Variants in ZMYND11 observed in about 807,000 individuals in gnomAD.
ZMYND11 encodes zinc finger MYND-type containing 11.
ZMYND11 carries 9 observed loss-of-function variants against 84.9 expected under a neutral mutation model. The ratio of observed to expected loss-of-function variants is 0.11; its 90% CI spans 0.06 to 0.18. ZMYND11 has a LOEUF of 0.18. Among genes scored for constraint, ZMYND11 ranks in the 10% least tolerant of loss-of-function variants. ZMYND11 has a pLI of 1.00. For missense variants in ZMYND11, 409 were observed against 761.0 expected (o/e 0.54, Z 5.44); for synonymous variants, 250 against 244.1 (o/e 1.02, Z -0.23).
chr10:196,119 A>G (rs1348732509), intron 2 of ZMYND11, among the ~76,000 whole-genome samples: 2 of 152,220 alleles, frequency 1.3e-5, no homozygotes, highest in Non-Finnish European at 2.9e-5. Flanking sequence ...AGTAATTATC[A>G]TAATTTAAGT....
intron 1 of ZMYND11, among the ~76,000 whole-genome samples, chr10:143,252 A>G (rs1837901794): frequency 6.6e-6 from 1 of 152,244 alleles, no homozygotes; most frequent in Non-Finnish European, 1.5e-5. Flanking sequence ...ACAGATTGAG[A>G]TCATCCTGAC....
At chr10:193,423 C>A (rs1940948415) in intron 2 of ZMYND11, among the ~76,000 whole-genome samples, 1 of 152,176 alleles carries the variant, frequency 6.6e-6, no homozygotes, top group Non-Finnish European at 1.5e-5. Context: ...GAGTAAGGAT[C>A]TCTTTTGGAT....
intron 1 of ZMYND11, among the ~76,000 whole-genome samples, chr10:159,335 G>A (rs1842486320): frequency 6.6e-6 from 1 of 152,048 alleles, no homozygotes; most frequent in Admixed American, 6.6e-5. Flanking sequence ...TCTAGAGATG[G>A]TGACATTTTG....
chr10:156,863 C>G (rs1841833019), intron 1 of ZMYND11, among the ~76,000 whole-genome samples: 1 of 152,146 alleles, frequency 6.6e-6, no homozygotes. Context: ...AAATACCTTT[C>G]TATTACTTAC....
intron 14 of ZMYND11, chr10:249,454 T>G (rs960901971): frequency 3.8e-5 from 37 of 985,100 alleles, no homozygotes; most frequent in Middle Eastern, 1.0e-3. Flanking sequence ...GGTGAAATTA[T>G]AAATGTAATT....
At chr10:229,574 G>A (rs575890131) in intron 4 of ZMYND11, among the ~76,000 whole-genome samples, 37 of 152,200 alleles carry the variant, frequency 2.4e-4, no homozygotes, top group African/African-American at 8.2e-4. Context: ...TGGGTAGGTC[G>A]AGTTTTCTAC....
intron 3 of ZMYND11, among the ~76,000 whole-genome samples, chr10:213,292 A>AC (rs1282867678): frequency 6.6e-6 from 1 of 152,218 alleles, no homozygotes; most frequent in Non-Finnish European, 1.5e-5. Context: ...TCTAGTTTGC[A>AC]CATGGTGTTC....
chr10:239,721 A>G (rs1950569493), intron 7 of ZMYND11, among the ~76,000 whole-genome samples, 196 bp downstream of exon 7: 1 of 152,248 alleles, frequency 6.6e-6, no homozygotes, highest in African/African-American at 2.4e-5. Context: ...ATAGTATACT[A>G]AATGATGAAA....
In ZMYND11 at chr10:243,790, G is replaced by A. The variant is rs192517054; in HGVS notation, c.950+1651G>A. ...TGAGGCAGGAGAATGGCGTGAACCC[G>A]GGAGGTAGAGCTTGCAGTGAGCAGA... On this transcript the variant is annotated intron_variant, in intron 10 of 14. Coordinates refer to ENST00000381604, the MANE Select transcript of ZMYND11 (RefSeq NM_001370100.5). 3.3e-5 allele frequency among the ~76,000 whole-genome samples: 5 copies of A among 152,238 alleles called. No homozygotes were observed. The East Asian group carries it at 5.8e-4, about 18-fold the overall frequency.
intron 4 of ZMYND11, among the ~76,000 whole-genome samples, chr10:236,132 A>G (rs1386505887): frequency 6.6e-6 from 1 of 152,190 alleles, no homozygotes; most frequent in Non-Finnish European, 1.5e-5. Context: ...GCGTGCCTGG[A>G]GTTTTGCCTT....
chr10:234,218 AAAC>A lies in ZMYND11; in HGVS notation c.439-2609_439-2607del, dbSNP rs552516794. Reference sequence around the variant, plus strand: ...CAAGAGACGTGAAAGCGCAGAAAGGAAACAACAACAACAGCAACTCCTGCACAT... The same window carrying A: ...CAAGAGACGTGAAAGCGCAGAAAGGAAACAACAACAGCAACTCCTGCACAT... On this transcript the variant is annotated intron_variant, in intron 4 of 14. Transcript: ENST00000381604. Among the ~76,000 whole-genome samples the A allele has an allele frequency of 1.8e-3, 279 of 152,348 alleles. 1 individual carries two copies. Among genetic ancestry groups the A allele is most frequent in the African/African-American group, 5.0e-3 (208 of 41,576 alleles).
intron 2 of ZMYND11, among the ~76,000 whole-genome samples, chr10:182,570 CCTCAT>C (rs1848107136): frequency 6.6e-6 from 1 of 152,176 alleles, no homozygotes; most frequent in African/African-American, 2.4e-5. Context: ...GTTTCCTCTT[CCTCAT>C]CTCATCTGAG....
At chr10:236,790 A>G (rs746125858) in intron 4 of ZMYND11, 48 bp from the exon 5 acceptor site, 15 of 1,499,834 alleles carry the variant, frequency 1.0e-5, no homozygotes, top group African/African-American at 1.4e-5. Flanking sequence ...ATATAGACAT[A>G]AGAATGATCA....
At chr10:230,145 C>CCA (rs1948748298) in intron 4 of ZMYND11, among the ~76,000 whole-genome samples, 1 of 151,934 alleles carries the variant, frequency 6.6e-6, no homozygotes, top group Non-Finnish European at 1.5e-5. Flanking sequence ...GATCTAGAGG[C>CCA]CACCTGTACA....
chr10:206,473 A>T (rs1944195263), intron 2 of ZMYND11, among the ~76,000 whole-genome samples: 1 of 152,224 alleles, frequency 6.6e-6, no homozygotes, highest in African/African-American at 2.4e-5. Context: ...TTAAAATCTC[A>T]TAATTTTATA....
chr10:230,574 G>C (rs530718731), intron 4 of ZMYND11, among the ~76,000 whole-genome samples: 34 of 151,332 alleles, frequency 2.2e-4, no homozygotes, highest in Admixed American at 1.4e-3. Flanking sequence ...TCCAGTAAGT[G>C]CTGTAGGTGG....
chr10:214,199 A>C (rs537740036), intron 3 of ZMYND11, among the ~76,000 whole-genome samples: 22 of 152,312 alleles, frequency 1.4e-4, no homozygotes, highest in Middle Eastern at 3.4e-3. Context: ...CTTTGTGGTA[A>C]TGTTTTAAAT....
chr10:177,218 C>T (rs114460209), intron 1 of ZMYND11, among the ~76,000 whole-genome samples: 3,040 of 152,232 alleles, frequency 0.02, 97 homozygotes, highest in African/African-American at 0.069. Context: ...TTTATGGTTG[C>T]ACTTTAAAGA....
chr10:232,892 G>A (rs1041158582), intron 4 of ZMYND11, among the ~76,000 whole-genome samples: 2 of 152,186 alleles, frequency 1.3e-5, no homozygotes, highest in Non-Finnish European at 2.9e-5. Context: ...AAAGTCGATT[G>A]AGAGCATCCT....
Sources: allele counts gnomAD v4.1 joint callset (sites outside exome capture counted in the v4.1 genomes callset), GRCh38; gene constraint gnomAD v4.1.1; transcripts MANE v1.5; gene names NCBI Gene and HGNC (gene_info 2026-07-23, HGNC 2026-07-21).